The following CBLIF variants were observed in gnomAD, a reference collection of about 807,000 sequenced individuals.
The protein encoded by CBLIF is cobalamin binding intrinsic factor, also known as gastric intrinsic factor (vitamin B synthesis).
In CBLIF, 24 loss-of-function variants were observed where a neutral mutation model predicts 44.9. That is an observed-to-expected ratio of 0.53 (90% CI 0.39 to 0.75). CBLIF has a LOEUF of 0.75. Among genes scored for constraint, CBLIF ranks in the 30% least tolerant of loss-of-function variants. The pLI is 0.00. For synonymous variants in CBLIF, 183 were observed against 190.9 expected, an observed-to-expected ratio of 0.96 and a Z score of 0.34; for missense variants, 481 against 513.0, an observed-to-expected ratio of 0.94 and a Z score of 0.60.
chr11:59,834,272 C>G (rs1048985872), intron 7 of CBLIF, among the ~76,000 whole-genome samples: 7 of 130,434 alleles, frequency 5.4e-5, no homozygotes, highest in South Asian at 5.2e-4. Flanking sequence ...TTCTTTCTTT[C>G]TTTCTTTCTT....
chr11:59,841,431 C>T, intron 4 of CBLIF, 107 bp from the exon 5 acceptor site: 1 of 799,714 alleles, frequency 1.3e-6, no homozygotes, highest in Non-Finnish European at 2.2e-6. Flanking sequence ...ATTTTATTTG[C>T]TCCTCAGAAC....
At position 59,845,392 on chromosome 11, in the gene CBLIF, T is replaced by C. The variant is rs1866591879; in HGVS notation, c.62A>G (p.Gln21Arg). 6.2e-7 allele frequency: 1 copy of C among 1,612,360 alleles called. No individual in the cohort carries two copies. The highest frequency in any genetic ancestry group is 1.3e-5 in the African/African-American group (1 of 74,874). The change falls in exon 1 of 9, where the codon CAG (glutamine) becomes CGG (arginine). Residue 21 changes from glutamine to arginine, a missense_variant. Coordinates refer to ENST00000257248, the MANE Select transcript of CBLIF (RefSeq NM_005142.3). Reference protein sequence around the residue: ...LLWATAGTSTQTQSSCSVPSA... With the variant: ...LLWATAGTSTRTQSSCSVPSA... Reference sequence around the variant, plus strand: ...ATACTCACAGCATGAACTCTGGGTCTGGGTACTAGTCCCAGCTGTAGCCCA... The same window carrying C: ...ATACTCACAGCATGAACTCTGGGTCCGGGTACTAGTCCCAGCTGTAGCCCA...
At chr11:59,843,212 A>G (rs1866560764) in intron 2 of CBLIF, 71 bp from the exon 3 acceptor site, 3 of 880,064 alleles carry the variant, frequency 3.4e-6, no homozygotes, top group Admixed American at 1.8e-5. Context: ...GCCAGTGATG[A>G]GTTCTCTGCT....
At chr11:59,831,023 GC>G (rs1866367142) in intron 8 of CBLIF, among the ~76,000 whole-genome samples, 1 of 152,130 alleles carries the variant, frequency 6.6e-6, no homozygotes, top group African/African-American at 2.4e-5. Context: ...GACTTTATTT[GC>G]CTTTACATGT....
In CBLIF at chr11:59,835,963, G is replaced by GGGGCCA. The variant is rs1351615345; in HGVS notation, c.912_917dup (p.Gly305_Pro306dup). ...TGACAGTGATGTTAGATGCAGAGGTGGGGCCAGGGCCAGGGTTGCTGGGTA... is the reference window on the plus strand; with the variant it reads ...TGACAGTGATGTTAGATGCAGAGGTGGGGCCAGGGCCAGGGCCAGGGTTGCTGGGTA... On this transcript the variant is annotated inframe_insertion, in exon 7 of 9. Coordinates refer to ENST00000257248, the MANE Select transcript of CBLIF (RefSeq NM_005142.3). 1 of 1,614,128 alleles carries GGGGCCA rather than the reference G, an allele frequency of 6.2e-7. No individual in the cohort carries two copies. The highest frequency in any genetic ancestry group is 8.5e-7 in the Non-Finnish European group (1 of 1,179,950).
intron 7 of CBLIF, among the ~76,000 whole-genome samples, chr11:59,834,209 AGCCT>A (rs1405934552): frequency 1.3e-4 from 19 of 149,576 alleles, no homozygotes; most frequent in African/African-American, 4.2e-4. Flanking sequence ...TGCCTCCAAA[AGCCT>A]GCCTTTCTGT....
At chr11:59,836,223 A>G (rs543471514) in intron 6 of CBLIF, among the ~76,000 whole-genome samples, 297 of 152,308 alleles carry the variant, frequency 1.9e-3, no homozygotes, top group Non-Finnish European at 3.4e-3. Flanking sequence ...GAAGCAGCCT[A>G]AGGGGTTGAG....
In CBLIF at chr11:59,829,286, A is replaced by C. The variant is rs1368653543; in HGVS notation, c.*198T>G. The C allele has an allele frequency of 1.1e-5, 6 of 546,942 alleles. No individual in the cohort carries two copies. The highest frequency in any genetic ancestry group is 5.9e-5 in the South Asian group (3 of 51,184). The allele number at this position is 546,942 out of a possible 1,614,324, so 33.9% of individuals were successfully genotyped here. A position where few individuals can be genotyped will look rare whatever the true frequency, so the allele number is the denominator to read the frequency against. On this transcript the variant is annotated 3_prime_UTR_variant, in exon 9 of 9. Transcript: ENST00000257248. ...GCAGTCATTGTGTTGAGAAGATGAA[A>C]ATTTTATTTTCATGAGTCATAGATG...
At chr11:59,841,386 C>T in intron 4 of CBLIF, 62 bp from the exon 5 acceptor site, 3 of 1,132,856 alleles carry the variant, frequency 2.6e-6, no homozygotes, top group Non-Finnish European at 4.0e-6. Flanking sequence ...GAACAGCTAA[C>T]ATTTATTGTG....
chr11:59,831,589 G>C, intron 8 of CBLIF, 89 bp downstream of exon 8: 1 of 730,232 alleles, frequency 1.4e-6, no homozygotes, highest in Non-Finnish European at 2.5e-6. Flanking sequence ...TTAATTAAGT[G>C]AATGAATGAA....
At chr11:59,842,837 C>T in intron 3 of CBLIF, 191 bp downstream of exon 3, 1 of 651,678 alleles carries the variant, frequency 1.5e-6, no homozygotes, top group South Asian at 1.8e-5. Flanking sequence ...GGGATCATGA[C>T]CTTTTCTAGT....
intron 5 of CBLIF, among the ~76,000 whole-genome samples, chr11:59,838,264 A>G (rs1156798945): frequency 1.3e-5 from 2 of 152,182 alleles, no homozygotes; most frequent in Non-Finnish European, 2.9e-5. Context: ...TTGCTGCGTT[A>G]TCTATCGCAT....
intron 5 of CBLIF, among the ~76,000 whole-genome samples, chr11:59,839,276 G>T (rs1244906609): frequency 1.3e-5 from 2 of 152,250 alleles, no homozygotes; most frequent in African/African-American, 4.8e-5. Flanking sequence ...GTAGGGAAGA[G>T]TGTGGCCTGG....
rs761773560 is a variant in CBLIF, at chr11:59,841,322, T to A, written c.514A>T (p.Thr172Ser). 12 of 1,609,230 alleles carry A rather than the reference T, an allele frequency of 7.5e-6. No individual in the cohort carries two copies. The highest frequency in any genetic ancestry group is 1.0e-5 in the Non-Finnish European group (12 of 1,175,562). The change falls in exon 5 of 9, where the codon ACA (threonine) becomes TCA (serine). Residue 172 changes from threonine to serine, a missense_variant and splice_region_variant. By Grantham distance (58) the Thr-to-Ser change is moderately conservative. Transcript: ENST00000257248. ...AGAGCCAAGGTTGCCATTGCTCCTG[T>A]GTCTGTGAATGACAGAGGGTATAAG... is the stretch of plus-strand genomic sequence containing the variant. ...LANSSPFNVD[T>S]GAMATLALTC... is the part of the protein sequence containing the mutation.
intron 8 of CBLIF, 70 bp from the exon 9 acceptor site, chr11:59,829,615 C>T (rs1866342579): frequency 1.1e-6 from 1 of 911,440 alleles, no homozygotes; most frequent in Non-Finnish European, 1.8e-6. Context: ...CCAAGGGATG[C>T]AGTGAGCTAG....
In CBLIF at chr11:59,829,561, G is replaced by T. The variant is rs760410293; in HGVS notation, c.1193-16C>A. 1 of 1,565,104 alleles carries T rather than the reference G, an allele frequency of 6.4e-7. No individual in the cohort carries two copies. The highest frequency in any genetic ancestry group is 1.4e-5 in the African/African-American group (1 of 74,060). ...TCAGCAACCCCTGGAAATAAGCAGA[G>T]AATAACATGAGGTGACTGTGGTGCA... On this transcript the variant is annotated splice_polypyrimidine_tract_variant and intron_variant, in intron 8 of 8. Transcript: ENST00000257248.
At chr11:59,842,726 C>G in intron 3 of CBLIF, 143 bp from the exon 4 acceptor site, 1 of 768,390 alleles carries the variant, frequency 1.3e-6, no homozygotes, top group East Asian at 2.6e-5. Flanking sequence ...CAAAGAGCAA[C>G]TTCAGTGTTT....
rs778938710 is a variant in CBLIF, at chr11:59,835,816, A to T, written c.1065T>A (p.Pro355=). The T allele has an allele frequency of 6.2e-7, 1 of 1,610,288 alleles. No homozygotes were observed. Among genetic ancestry groups the T allele is most frequent in the South Asian group, 1.1e-5 (1 of 91,022 alleles). The change falls in exon 7 of 9, where the codon CCT becomes CCA. Residue 355 remains proline (P), a synonymous_variant. Transcript: ENST00000257248. ...ACATTTGTAATACTCACTTGAACAT[A>T]GGATTTTTGCGCTGTGCTTCCTCTA... The part of the protein sequence containing the change: ...VVLEEAQRKN[P]MFKFETTMTS...
chr11:59,844,607 A>G (rs563793644), intron 1 of CBLIF, among the ~76,000 whole-genome samples: 8 of 152,368 alleles, frequency 5.3e-5, no homozygotes, highest in Middle Eastern at 3.4e-3. Context: ...ACTTCAAGCA[A>G]TATGGCTCAT....
Sources: gnomAD v4.1 joint callset for allele counts (sites outside exome capture counted in the v4.1 genomes callset) on GRCh38, gnomAD v4.1.1 for gene constraint, MANE v1.5 for transcripts, NCBI Gene and HGNC (gene_info 2026-07-23, HGNC 2026-07-21) for gene names.